The following ITGA11 variants were observed in gnomAD, a reference collection of about 807,000 sequenced individuals.
ITGA11 encodes the protein integrin alpha-11.
A neutral mutation model predicts 141.9 loss-of-function variants in ITGA11; 97 were observed. The observed-to-expected ratio is 0.68, with a 90% CI of 0.58 to 0.81. ITGA11 has a LOEUF of 0.81. Ranked by LOEUF, ITGA11 falls within the 30% of genes least tolerant of loss-of-function variation. ITGA11 has a pLI of 0.00. For missense variants in ITGA11, 1,387 were observed against 1,559.2 expected (o/e 0.89, Z 1.86); for synonymous variants, 658 against 624.6 (o/e 1.05, Z -0.80).
chr15:68,376,677 T>C (rs1049735553), intron 2 of ITGA11, among the ~76,000 whole-genome samples: 15 of 152,256 alleles, frequency 9.9e-5, no homozygotes, highest in Non-Finnish European at 1.6e-4. Context: ...ACTGGATGAA[T>C]AGAGCAAGCT....
intron 10 of ITGA11, among the ~76,000 whole-genome samples, chr15:68,341,958 G>C (rs1376789396): frequency 6.6e-6 from 1 of 152,232 alleles, no homozygotes; most frequent in Non-Finnish European, 1.5e-5. Flanking sequence ...CCTGACAGCA[G>C]CTGCAGTCTT....
At chr15:68,392,967 A>G (rs576799130) in intron 2 of ITGA11, among the ~76,000 whole-genome samples, 34 of 152,362 alleles carry the variant, frequency 2.2e-4, no homozygotes, top group Non-Finnish European at 4.7e-4. Context: ...ATTATAATTA[A>G]TGTGTTAAAG....
rs1319557825 is a variant in ITGA11, at chr15:68,431,262, TTAGGCGGCGGCGCGCGTC to T, written c.52+735_52+752del. 2.8e-4 allele frequency among the ~76,000 whole-genome samples: 43 copies of T among 152,238 alleles called. 1 individual carries two copies. In the East Asian group the frequency reaches 8.1e-3, roughly 29 times the overall value. ...GCCGCGCCCCGACACCTGGAGTGCA[TTAGGCGGCGGCGCGCGTC>T]TAGGCGACGGCGGCTTTCCCCAGAT... is the stretch of plus-strand genomic sequence containing the variant. On this transcript the variant is annotated intron_variant, in intron 1 of 29. Coordinates refer to ENST00000315757, the MANE Select transcript of ITGA11 (RefSeq NM_001004439.2).
Position 68,301,316 on chromosome 15 carries a change from A to G in ITGA11, c.*1743T>C, listed in dbSNP as rs1045431261. On this transcript the variant is annotated 3_prime_UTR_variant, in exon 30 of 30. Transcript: ENST00000315757. The surrounding 1 kb of genome is among the most constrained non-coding windows in gnomAD (Gnocchi z 4.4). ...AATCCAAGACATGAATGGCACAAGA[A>G]CAGAATGGAGACGCCTTGGCTGATG... 1 of 152,274 alleles carries G rather than the reference A, an allele frequency of 6.6e-6. No individual in the cohort carries two copies. The highest frequency in any genetic ancestry group is 1.5e-5 in the Non-Finnish European group (1 of 68,058). The allele number at this position is 152,274 out of a possible 1,614,324, so 9.4% of individuals were successfully genotyped here.
At chr15:68,369,090 G>T (rs541696133) in intron 3 of ITGA11, 94 bp downstream of exon 3, 2 of 847,878 alleles carry the variant, frequency 2.4e-6, no homozygotes, top group African/African-American at 1.7e-5. Context: ...GCAGGAAGGA[G>T]TCAGTGTGAC....
At position 68,333,018 on chromosome 15, in the gene ITGA11, A is replaced by T. The variant is rs988731494; in HGVS notation, c.1426-540T>A. On this transcript the variant is annotated intron_variant, in intron 12 of 29. Coordinates refer to ENST00000315757, the MANE Select transcript of ITGA11 (RefSeq NM_001004439.2). The surrounding 1 kb of genome is among the most constrained non-coding windows in gnomAD (Gnocchi z 4.2). ...TTTTTCTATGATGTATTATATTTTC[A>T]TCTACAACATAATCACTGGTCATTC... 6.6e-6 allele frequency among the ~76,000 whole-genome samples: 1 copy of T among 152,196 alleles called. No homozygotes were observed. The highest frequency in any genetic ancestry group is 1.5e-5 in the Non-Finnish European group (1 of 68,044).
chr15:68,400,636 A>G (rs1896453075), intron 2 of ITGA11, among the ~76,000 whole-genome samples: 1 of 71,174 alleles, frequency 1.4e-5, no homozygotes, highest in Non-Finnish European at 2.4e-5. Context: ...AATAAATATT[A>G]TAATATTATA....
chr15:68,374,390 T>C (rs536640654), intron 2 of ITGA11, among the ~76,000 whole-genome samples: 14 of 152,134 alleles, frequency 9.2e-5, no homozygotes, highest in Non-Finnish European at 1.8e-4. Flanking sequence ...ACATCAGAGC[T>C]GGGAGGAAAC....
At chr15:68,370,041 C>A (rs1895539218) in intron 2 of ITGA11, among the ~76,000 whole-genome samples, 1 of 152,046 alleles carries the variant, frequency 6.6e-6, no homozygotes, top group Admixed American at 6.5e-5. Context: ...CTGCCCCAAG[C>A]CAAGGAGCGC....
At chr15:68,373,691 A>G (rs996453436) in intron 2 of ITGA11, among the ~76,000 whole-genome samples, 4 of 152,176 alleles carry the variant, frequency 2.6e-5, no homozygotes, top group Admixed American at 6.5e-5. Context: ...AATCTCCCCA[A>G]TCAAGTGAAT....
rs1436865504 is a variant in ITGA11, at chr15:68,300,160, CACAG to C, written c.*2895_*2898del. The stretch of plus-strand genomic sequence containing the variant: ...AAGTTTAATGTGCTTAGAATTACCT[CACAG>C]AGCTTGGATCCATGAAGTCTGAGGA... On this transcript the variant is annotated 3_prime_UTR_variant, in exon 30 of 30. Transcript: ENST00000315757. 1 of 152,250 alleles carries C rather than the reference CACAG, an allele frequency of 6.6e-6. No individual in the cohort carries two copies. Among genetic ancestry groups the C allele is most frequent in the Non-Finnish European group, 1.5e-5 (1 of 68,048 alleles). 9.4% of individuals were successfully genotyped at this position (152,250 alleles called of 1,614,324 possible).
rs1424789223 is a variant in ITGA11 at position 68,396,999 on chromosome 15, TA to T, written c.164+5918del. 2.7e-3 allele frequency among the ~76,000 whole-genome samples: 58 copies of T among 21,694 alleles called. 23 individuals carry two copies. The highest frequency in any genetic ancestry group is 3.8e-4 in the Non-Finnish European group (6 of 15,794). The allele number at this position is 21,694 out of a possible 152,430, so 14.2% of individuals were successfully genotyped here. On this transcript the variant is annotated intron_variant, in intron 2 of 29. Coordinates refer to ENST00000315757, the MANE Select transcript of ITGA11 (RefSeq NM_001004439.2). ...ATTATATATTATTTATTATATAATA[TA>T]TAATATATATTACTTATTATATAAT...
Position 68,348,813 on chromosome 15 carries a change from G to A in ITGA11, c.1131+17C>T, listed in dbSNP as rs2306020. 33,114 of 1,599,564 alleles carry A rather than the reference G, an allele frequency of 0.021. 445 individuals carry two copies. Among genetic ancestry groups the A allele is most frequent in the Admixed American group, 0.03 (1,756 of 58,348 alleles). On this transcript the variant is annotated intron_variant, in intron 10 of 29. Transcript: ENST00000315757. ...GAGACAGAGGCTGGGCTCTGTGCCC[G>A]TACCTCCACCACATACCTCCACCAC...
intron 28 of ITGA11, among the ~76,000 whole-genome samples, chr15:68,306,022 T>TCA (rs1555445126): frequency 8.6e-5 from 11 of 128,044 alleles, no homozygotes; most frequent in Admixed American, 8.6e-4. Context: ...CTGTCTCTAC[T>TCA]AAAAAAAAAA....
chr15:68,364,254 T>C (rs1453262046), intron 4 of ITGA11, among the ~76,000 whole-genome samples: 2 of 152,160 alleles, frequency 1.3e-5, no homozygotes, highest in Non-Finnish European at 2.9e-5. Context: ...GTTTACTCAT[T>C]TATGGCATCC....
At position 68,321,641 on chromosome 15, in the gene ITGA11, G is replaced by T; in HGVS notation, c.2323-138C>A. On this transcript the variant is annotated intron_variant, in intron 18 of 29. Transcript: ENST00000315757. The surrounding 1 kb of genome is among the most constrained non-coding windows in gnomAD (Gnocchi z 4.9). The stretch of plus-strand genomic sequence containing the variant: ...CTGTCCCCAGACACCACACTGCTCT[G>T]TCTTGTGCTTTTCCATAGATGCTTC... 1 of 475,752 alleles carries T rather than the reference G, an allele frequency of 2.1e-6. No individual in the cohort carries two copies. The highest frequency in any genetic ancestry group is 3.8e-6 in the Non-Finnish European group (1 of 262,066). 29.5% of individuals were successfully genotyped at this position (475,752 alleles called of 1,614,324 possible). A position where few individuals can be genotyped will look rare whatever the true frequency, so the allele number is the denominator to read the frequency against.
intron 2 of ITGA11, among the ~76,000 whole-genome samples, chr15:68,387,440 T>C (rs1022566595): frequency 2.0e-5 from 3 of 152,086 alleles, no homozygotes; most frequent in African/African-American, 7.2e-5. Context: ...GAAAAGCACA[T>C]TCCCAGGCCT....
chr15:68,342,060 G>T (rs1353079717), intron 10 of ITGA11, among the ~76,000 whole-genome samples: 1 of 152,212 alleles, frequency 6.6e-6, no homozygotes, highest in Non-Finnish European at 1.5e-5. Context: ...GAGTAGACAG[G>T]TTAAGGCCAC....
intron 1 of ITGA11, among the ~76,000 whole-genome samples, chr15:68,419,131 G>T (rs8024010): frequency 0.74 from 112,567 of 152,004 alleles, 41,889 homozygotes; most frequent in African/African-American, 0.76. Context: ...GAATTTAACA[G>T]AGATCCACCA....
Sources: allele counts gnomAD v4.1 joint callset (sites outside exome capture counted in the v4.1 genomes callset), GRCh38; gene constraint gnomAD v4.1.1; non-coding constraint Gnocchi (gnomAD v3.1); transcripts MANE v1.5; gene names NCBI Gene and HGNC (gene_info 2026-07-23, HGNC 2026-07-21).